Variants in ESRRG observed in about 807,000 individuals in gnomAD.
ESRRG encodes the protein estrogen related receptor gamma.
A neutral mutation model predicts 44.0 loss-of-function variants in ESRRG; 13 were observed. That is an observed-to-expected ratio of 0.30 (90% CI 0.19 to 0.47). The LOEUF is 0.47. Among genes scored for constraint, ESRRG ranks in the 20% least tolerant of loss-of-function variants. ESRRG has a pLI of 1.00. For missense variants in ESRRG, 395 were observed against 580.6 expected (o/e 0.68, Z 3.29); for synonymous variants, 215 against 214.6 (o/e 1.00, Z -0.02).
intron 1 of ESRRG, among the ~76,000 whole-genome samples, chr1:217,005,822 A>G (rs964965408): frequency 2.6e-5 from 4 of 152,112 alleles, no homozygotes; most frequent in African/African-American, 9.6e-5. Context: ...AGTAGCCTAT[A>G]CAAATTTATA....
intron 2 of ESRRG, among the ~76,000 whole-genome samples, chr1:216,808,489 T>C (rs1015564298): frequency 2.0e-5 from 3 of 152,126 alleles, no homozygotes; most frequent in Non-Finnish European, 4.4e-5. Context: ...TACAGTGGCA[T>C]GCTCATGTCT....
chr1:216,810,535 T>C (rs1576799436), intron 2 of ESRRG, among the ~76,000 whole-genome samples: 2 of 149,484 alleles, frequency 1.3e-5, no homozygotes, highest in Admixed American at 6.7e-5. Flanking sequence ...ATACAGAATG[T>C]GGTGGTCAAG....
chr1:216,590,558 A>G (rs1265128727), intron 3 of ESRRG, among the ~76,000 whole-genome samples: 1 of 152,202 alleles, frequency 6.6e-6, no homozygotes, highest in Non-Finnish European at 1.5e-5. Context: ...GAAATCTTAC[A>G]CCCTGAAAAA....
intron 2 of ESRRG, among the ~76,000 whole-genome samples, chr1:216,919,667 A>T (rs1234667549): frequency 6.6e-6 from 1 of 152,146 alleles, no homozygotes; most frequent in African/African-American, 2.4e-5. Context: ...GACAAGAAAA[A>T]CTTGCATTGC....
chr1:216,617,274 C>T (rs985595391), intron 3 of ESRRG, among the ~76,000 whole-genome samples: 1 of 151,978 alleles, frequency 6.6e-6, no homozygotes, highest in Non-Finnish European at 1.5e-5. Context: ...TTAAAAGAAT[C>T]GTGGCTGAAG....
chr1:216,641,958 C>T (rs955785479), intron 3 of ESRRG, among the ~76,000 whole-genome samples: 16 of 152,122 alleles, frequency 1.1e-4, no homozygotes, highest in Non-Finnish European at 7.4e-5. Flanking sequence ...ATTCAAAGCA[C>T]TGAAGAGAGC....
chr1:216,913,078 C>G (rs186097178), intron 2 of ESRRG, among the ~76,000 whole-genome samples: 1 of 138,220 alleles, frequency 7.2e-6, no homozygotes, highest in East Asian at 2.2e-4. Context: ...GAACCGAGAT[C>G]GCACTACTGC....
intron 2 of ESRRG, among the ~76,000 whole-genome samples, chr1:216,874,613 C>G (rs1424317012): frequency 6.6e-6 from 1 of 152,138 alleles, no homozygotes; most frequent in Non-Finnish European, 1.5e-5. Flanking sequence ...ATAGTTTTAT[C>G]ATTTTAGCAT....
chr1:217,060,661 A>G (rs559087379), intron 1 of ESRRG, among the ~76,000 whole-genome samples: 16 of 152,222 alleles, frequency 1.1e-4, no homozygotes, highest in African/African-American at 3.8e-4. Context: ...CCATGCATAT[A>G]AAATGAAGTT....
In ESRRG at chr1:216,912,223, G is replaced by A. The variant is rs1247494751; in HGVS notation, c.-14+27359C>T. ...GAGGAGAGGAGAGGAGAGGAGAGGAGAGGAGAGGAGAGGAGAGGAGAGGAG... is the reference window on the plus strand; with the variant it reads ...GAGGAGAGGAGAGGAGAGGAGAGGAAAGGAGAGGAGAGGAGAGGAGAGGAG... On this transcript the variant is annotated intron_variant, in intron 2 of 7. Transcript: ENST00000359162. 6.8e-3 allele frequency among the ~76,000 whole-genome samples: 349 copies of A among 51,356 alleles called. 19 individuals carry two copies. Among genetic ancestry groups the A allele is most frequent in the East Asian group, 0.028 (30 of 1,056 alleles). The allele number at this position is 51,356 out of a possible 152,430, so 33.7% of individuals were successfully genotyped here. A position where few individuals can be genotyped will look rare whatever the true frequency, so the allele number is the denominator to read the frequency against.
intron 1 of ESRRG, among the ~76,000 whole-genome samples, chr1:216,970,820 G>A (rs186564894): frequency 6.6e-6 from 1 of 152,176 alleles, no homozygotes; most frequent in Non-Finnish European, 1.5e-5. Flanking sequence ...GTGACTGCTG[G>A]GAGCCAAAAT....
intron 1 of ESRRG, among the ~76,000 whole-genome samples, chr1:216,690,443 A>C (rs2078855831): frequency 6.6e-6 from 1 of 152,154 alleles, no homozygotes; most frequent in African/African-American, 2.4e-5. Context: ...GAACAAGGAA[A>C]ACTAATCATC....
intron 2 of ESRRG, among the ~76,000 whole-genome samples, chr1:216,890,484 G>T (rs2057626227): frequency 6.6e-6 from 1 of 152,078 alleles, no homozygotes. Flanking sequence ...TATTGTTCAG[G>T]AGTTTTTGGT....
intron 2 of ESRRG, among the ~76,000 whole-genome samples, chr1:216,850,593 C>G (rs541087090): frequency 6.6e-6 from 1 of 152,070 alleles, no homozygotes; most frequent in South Asian, 2.1e-4. Flanking sequence ...ACACTGTACT[C>G]CTATCTCCTT....
chr1:216,861,719 A>G (rs2096057970), intron 2 of ESRRG, among the ~76,000 whole-genome samples: 1 of 152,280 alleles, frequency 6.6e-6, no homozygotes, highest in Non-Finnish European at 1.5e-5. Context: ...TTAAAAATGT[A>G]TACTCTTTAA....
chr1:216,616,161 G>C (rs2061405275), intron 3 of ESRRG, among the ~76,000 whole-genome samples: 1 of 152,104 alleles, frequency 6.6e-6, no homozygotes, highest in African/African-American at 2.4e-5. Flanking sequence ...CACAGAAGAG[G>C]GTCCACTGGA....
intron 5 of ESRRG, among the ~76,000 whole-genome samples, chr1:216,534,661 T>C (rs1460432718): frequency 6.6e-6 from 1 of 152,214 alleles, no homozygotes; most frequent in African/African-American, 2.4e-5. Flanking sequence ...GCAACTATTC[T>C]GCTTAACGTA....
At chr1:216,572,230 T>A (rs1363098909) in intron 3 of ESRRG, among the ~76,000 whole-genome samples, 1 of 152,076 alleles carries the variant, frequency 6.6e-6, no homozygotes, top group Non-Finnish European at 1.5e-5. Context: ...TACTTCCACA[T>A]CATACTGAAA....
chr1:216,929,266 C>G (rs577935047), intron 2 of ESRRG, among the ~76,000 whole-genome samples: 20 of 151,758 alleles, frequency 1.3e-4, no homozygotes, highest in African/African-American at 4.8e-4. Flanking sequence ...TTCCTTGCTT[C>G]CTTCCTTCCT....
Sources: allele counts gnomAD v4.1 joint callset (sites outside exome capture counted in the v4.1 genomes callset), GRCh38; gene constraint gnomAD v4.1.1; transcripts MANE v1.5; gene names NCBI Gene and HGNC (gene_info 2026-07-23, HGNC 2026-07-21).